Variants in PRLR observed in about 807,000 individuals in gnomAD.
PRLR encodes hPRL receptor.
A neutral mutation model predicts 40.2 loss-of-function variants in PRLR; 13 were observed. The ratio of observed to expected loss-of-function variants is 0.32; its 90% confidence interval spans 0.21 to 0.51. PRLR has a LOEUF of 0.51. Among genes scored for constraint, PRLR ranks in the 20% least tolerant of loss-of-function variants. The pLI is 0.97. For synonymous variants in PRLR, 269 were observed against 278.7 expected, an observed-to-expected ratio of 0.97 and a Z score of 0.35; for missense variants, 656 against 747.3, an observed-to-expected ratio of 0.88 and a Z score of 1.42.
chr5:35,092,544 G>T (rs1052010184), intron 2 of PRLR, among the ~76,000 whole-genome samples: 1 of 152,072 alleles, frequency 6.6e-6, no homozygotes, highest in Non-Finnish European at 1.5e-5. Context: ...ACTAAGCTGG[G>T]GATAAATTAG....
chr5:35,214,706 C>T (rs747799035), intron 1 of PRLR, among the ~76,000 whole-genome samples: 62 of 152,320 alleles, frequency 4.1e-4, no homozygotes, highest in Admixed American at 6.5e-4. Context: ...TATCACATAG[C>T]TGACTCCATC....
intron 1 of PRLR, among the ~76,000 whole-genome samples, chr5:35,172,939 G>A (rs1407364016): frequency 2.0e-5 from 3 of 152,212 alleles, no homozygotes; most frequent in African/African-American, 7.2e-5. Context: ...TTAACCATAT[G>A]GATAAGAAGA....
At chr5:35,102,945 T>C (rs542931905) in intron 2 of PRLR, among the ~76,000 whole-genome samples, 36 of 152,346 alleles carry the variant, frequency 2.4e-4, no homozygotes, top group African/African-American at 8.2e-4. Context: ...TAGTTTCTTC[T>C]AGCCCCTTCC....
At chr5:35,108,793 A>T (rs1431383260) in intron 2 of PRLR, among the ~76,000 whole-genome samples, 1 of 152,228 alleles carries the variant, frequency 6.6e-6, no homozygotes, top group East Asian at 1.9e-4. Context: ...ATACTGCCCA[A>T]AGTAATTTCT....
At chr5:35,142,842 C>G (rs752448807) in intron 1 of PRLR, among the ~76,000 whole-genome samples, 1 of 152,184 alleles carries the variant, frequency 6.6e-6, no homozygotes, top group Non-Finnish European at 1.5e-5. Flanking sequence ...CTTGGCTCCA[C>G]CATTTACTTG....
intron 1 of PRLR, among the ~76,000 whole-genome samples, chr5:35,204,392 T>A (rs1251773072): frequency 6.6e-6 from 1 of 152,104 alleles, no homozygotes; most frequent in African/African-American, 2.4e-5. Flanking sequence ...AGGATGGGGA[T>A]GGGCCGCTTT....
intron 1 of PRLR, among the ~76,000 whole-genome samples, chr5:35,171,998 T>G (rs964319407): frequency 6.6e-6 from 1 of 152,238 alleles, no homozygotes; most frequent in African/African-American, 2.4e-5. Flanking sequence ...GCCCTCAGGT[T>G]GTTTAACATG....
At chr5:35,154,128 T>C (rs1774419947) in intron 1 of PRLR, among the ~76,000 whole-genome samples, 1 of 152,224 alleles carries the variant, frequency 6.6e-6, no homozygotes, top group African/African-American at 2.4e-5. Flanking sequence ...TTGAATATAT[T>C]TCCTAACTGA....
intron 1 of PRLR, among the ~76,000 whole-genome samples, chr5:35,151,399 C>A (rs1365305138): frequency 1.3e-5 from 2 of 152,068 alleles, no homozygotes; most frequent in Non-Finnish European, 2.9e-5. Flanking sequence ...AGAAATAAAC[C>A]CTTGTTGTAA....
At chr5:35,093,083 T>C (rs1310042220) in intron 2 of PRLR, among the ~76,000 whole-genome samples, 2 of 152,154 alleles carry the variant, frequency 1.3e-5, no homozygotes, top group East Asian at 3.9e-4. Context: ...CATTCTCCCT[T>C]CCATTAAGCC....
chr5:35,119,953 C>T (rs1773228048), intron 1 of PRLR, among the ~76,000 whole-genome samples: 1 of 152,088 alleles, frequency 6.6e-6, no homozygotes, highest in Non-Finnish European at 1.5e-5. Flanking sequence ...AGGCCCTGGG[C>T]CCACTTGGTC....
At chr5:35,149,592 A>G (rs1196254155) in intron 1 of PRLR, among the ~76,000 whole-genome samples, 1 of 152,178 alleles carries the variant, frequency 6.6e-6, no homozygotes, top group Admixed American at 6.5e-5. Context: ...TCTCTGCTAG[A>G]GAGTCTTAGT....
At chr5:35,178,275 C>T (rs541689985) in intron 1 of PRLR, among the ~76,000 whole-genome samples, 2 of 152,304 alleles carry the variant, frequency 1.3e-5, no homozygotes, top group East Asian at 3.9e-4. Context: ...CACAGTAGAT[C>T]TTCTTTGTCT....
At chr5:35,198,252 T>C (rs79615689) in intron 1 of PRLR, among the ~76,000 whole-genome samples, 4,238 of 152,330 alleles carry the variant, frequency 0.028, 79 homozygotes, top group Middle Eastern at 0.071. Flanking sequence ...CTTTTCCTAC[T>C]CCAGCAGTGC....
In PRLR at chr5:35,057,176, T is replaced by A. The variant is rs191356256; in HGVS notation, c.*7913A>T. The A allele has an allele frequency of 6.6e-6, 1 of 152,308 alleles. No homozygotes were observed. Among genetic ancestry groups the A allele is most frequent in the African/African-American group, 2.4e-5 (1 of 41,574 alleles). 9.4% of individuals were successfully genotyped at this position (152,308 alleles called of 1,614,324 possible). On this transcript the variant is annotated 3_prime_UTR_variant, in exon 10 of 10. Transcript: ENST00000618457. ...TCCTTGTATCTGGTTCCATCTCCCC[T>A]CATTTTTCTCAGCCTCCCATGTTAT...
chr5:35,204,883 T>C (rs1775975466), intron 1 of PRLR, among the ~76,000 whole-genome samples: 1 of 152,136 alleles, frequency 6.6e-6, no homozygotes, highest in African/African-American at 2.4e-5. Flanking sequence ...TAACATCACA[T>C]CTTTGGAGAC....
intron 8 of PRLR, chr5:35,049,515 A>G (rs538881530): frequency 4.8e-6 from 3 of 622,124 alleles, no homozygotes; most frequent in South Asian, 3.9e-5. Context: ...GATTACCATA[A>G]CATAATATGT....
At chr5:35,157,202 T>C (rs1171835867) in intron 1 of PRLR, among the ~76,000 whole-genome samples, 3 of 152,056 alleles carry the variant, frequency 2.0e-5, no homozygotes, top group African/African-American at 7.2e-5. Flanking sequence ...AAGTTTTCCT[T>C]TATGGAAACT....
chr5:35,174,093 T>G (rs1188118313), intron 1 of PRLR, among the ~76,000 whole-genome samples: 2 of 151,582 alleles, frequency 1.3e-5, no homozygotes, highest in Non-Finnish European at 2.9e-5. Context: ...TTCGGTTTTT[T>G]TTTTTTTTTG....
Sources: allele counts gnomAD v4.1 joint callset (sites outside exome capture counted in the v4.1 genomes callset), GRCh38; gene constraint gnomAD v4.1.1; transcripts MANE v1.5; gene names NCBI Gene and HGNC (gene_info 2026-07-23, HGNC 2026-07-21).